CNTN5: variants seen among roughly 807,000 people sequenced by gnomAD.
CNTN5 encodes the protein contactin-5.
Under a neutral mutation model 129.1 loss-of-function variants are expected in CNTN5, and 77 were observed. The ratio of observed to expected loss-of-function variants is 0.60; its 90% CI spans 0.50 to 0.72. The LOEUF (loss-of-function observed/expected upper bound fraction) is 0.72. Among genes scored for constraint, CNTN5 ranks in the 30% least tolerant of loss-of-function variants. The pLI, the probability that CNTN5 is intolerant of heterozygous loss-of-function variation, is 0.00. For missense variants in CNTN5, 1,478 were observed against 1,328.8 expected, an observed-to-expected ratio of 1.11 and a Z score of -1.75; for synonymous variants, 509 against 465.6, an observed-to-expected ratio of 1.09 and a Z score of -1.20.
chr11:99,023,302 A>G (rs971675028), intron 1 of CNTN5, among the ~76,000 whole-genome samples: 1 of 152,214 alleles, frequency 6.6e-6, no homozygotes, highest in African/African-American at 2.4e-5. Context: ...GCTATCTGTT[A>G]GAAATGTACC....
chr11:99,819,141 A>G (rs547165470), intron 3 of CNTN5, among the ~76,000 whole-genome samples: 1 of 151,696 alleles, frequency 6.6e-6, no homozygotes, highest in East Asian at 2.0e-4. Flanking sequence ...TTGTAATATT[A>G]AGGTAAACTT....
chr11:99,583,334 A>AG (rs1309088463), intron 3 of CNTN5, among the ~76,000 whole-genome samples: 1 of 152,170 alleles, frequency 6.6e-6, no homozygotes, highest in Non-Finnish European at 1.5e-5. Flanking sequence ...TGGGAGTACC[A>AG]CTACTCTCTT....
intron 3 of CNTN5, among the ~76,000 whole-genome samples, chr11:99,727,517 T>C (rs1166318359): frequency 6.6e-6 from 1 of 151,900 alleles, no homozygotes; most frequent in Non-Finnish European, 1.5e-5. Context: ...CATCCTTAAT[T>C]GTTTCATAGT....
intron 1 of CNTN5, among the ~76,000 whole-genome samples, chr11:99,270,067 G>A (rs1293672129): frequency 2.0e-5 from 3 of 151,624 alleles, no homozygotes; most frequent in East Asian, 3.9e-4. Context: ...CTTACCAGTC[G>A]TGTACGTTTG....
At chr11:99,667,933 A>G (rs531740770) in intron 3 of CNTN5, among the ~76,000 whole-genome samples, 18 of 139,292 alleles carry the variant, frequency 1.3e-4, no homozygotes, top group African/African-American at 4.7e-4. Flanking sequence ...CTGCACATGT[A>G]TCCTGAAACT....
chr11:99,857,499 C>T (rs553161500), intron 6 of CNTN5, among the ~76,000 whole-genome samples: 78 of 151,898 alleles, frequency 5.1e-4, no homozygotes, highest in Non-Finnish European at 8.2e-4. Context: ...AATACTTCAT[C>T]GATTATAAGG....
At chr11:100,329,732 A>T (rs934954617) in intron 21 of CNTN5, among the ~76,000 whole-genome samples, 1 of 152,138 alleles carries the variant, frequency 6.6e-6, no homozygotes, top group Non-Finnish European at 1.5e-5. Flanking sequence ...AAAAACAATA[A>T]CTATGGTTCA....
chr11:100,118,251 T>A (rs1347918283), intron 13 of CNTN5, among the ~76,000 whole-genome samples: 3 of 151,902 alleles, frequency 2.0e-5, no homozygotes, highest in Non-Finnish European at 4.4e-5. Flanking sequence ...GTTGGGGTAG[T>A]GTAGGAGATT....
At chr11:100,167,193 CA>C (rs778660029) in intron 13 of CNTN5, among the ~76,000 whole-genome samples, 54 of 149,712 alleles carry the variant, frequency 3.6e-4, no homozygotes, top group Non-Finnish European at 4.8e-4. Context: ...CAAAAACAAA[CA>C]AAAAAAAATT....
intron 3 of CNTN5, among the ~76,000 whole-genome samples, chr11:99,681,347 T>G (rs1335999560): frequency 2.7e-5 from 4 of 150,838 alleles, no homozygotes; most frequent in African/African-American, 9.7e-5. Flanking sequence ...AATTTTTTTG[T>G]GAAAGGAAGA....
intron 2 of CNTN5, among the ~76,000 whole-genome samples, chr11:99,422,522 A>T (rs397834061): frequency 2.3e-4 from 4 of 17,422 alleles, no homozygotes; most frequent in South Asian, 2.0e-3. Context: ...ATATTTTTAT[A>T]TATATATATA....
At chr11:99,173,538 G>A (rs1857629155) in intron 1 of CNTN5, among the ~76,000 whole-genome samples, 1 of 152,150 alleles carries the variant, frequency 6.6e-6, no homozygotes, top group South Asian at 2.1e-4. Flanking sequence ...AAACGTAATG[G>A]TTATAAGGCA....
intron 13 of CNTN5, among the ~76,000 whole-genome samples, chr11:100,138,712 T>C (rs999835311): frequency 6.6e-6 from 1 of 152,072 alleles, no homozygotes; most frequent in African/African-American, 2.4e-5. Flanking sequence ...CTTTGAGTGA[T>C]ATAGAAGCCT....
In CNTN5 at chr11:99,495,141, G is replaced by A. The variant is rs116114722; in HGVS notation, c.-70-61004G>A. On this transcript the variant is annotated intron_variant, in intron 2 of 24. Transcript: ENST00000524871. ...TCCCAGTACTTTGGGAGGCTAAGGC[G>A]GCAGATCACGAAGTCAGGAGTTCAA... 8.0e-3 allele frequency among the ~76,000 whole-genome samples: 1,224 copies of A among 152,136 alleles called. 17 individuals carry two copies. The highest frequency in any genetic ancestry group is 0.027 in the African/African-American group (1,123 of 41,508).
intron 2 of CNTN5, among the ~76,000 whole-genome samples, chr11:99,345,839 G>T (rs7127182): frequency 0.08 from 12,104 of 152,028 alleles, 1,388 homozygotes; most frequent in African/African-American, 0.25. Flanking sequence ...CTTTGAAATA[G>T]AATTATTAAA....
At chr11:100,060,577 CAT>C (rs1591157403) in intron 9 of CNTN5, among the ~76,000 whole-genome samples, 1 of 151,390 alleles carries the variant, frequency 6.6e-6, no homozygotes, top group Non-Finnish European at 1.5e-5. Flanking sequence ...GCAATAAGCA[CAT>C]ATATGTTAGT....
chr11:99,737,133 A>G (rs1006424440), intron 3 of CNTN5, among the ~76,000 whole-genome samples: 6 of 149,920 alleles, frequency 4.0e-5, no homozygotes, highest in Admixed American at 3.3e-4. Flanking sequence ...ACACACATGC[A>G]CACACACACA....
chr11:100,012,603 A>C (rs536972339), intron 9 of CNTN5, among the ~76,000 whole-genome samples: 22 of 152,264 alleles, frequency 1.4e-4, no homozygotes, highest in Non-Finnish European at 2.8e-4. Flanking sequence ...TCAGGAGAGA[A>C]ACTGTATACA....
chr11:99,966,331 G>A (rs1951092735), intron 8 of CNTN5, among the ~76,000 whole-genome samples: 2 of 152,136 alleles, frequency 1.3e-5, no homozygotes, highest in African/African-American at 2.4e-5. Context: ...TTGCTTGTAG[G>A]TAGTTTATTT....
Sources: allele counts gnomAD v4.1 joint callset (sites outside exome capture counted in the v4.1 genomes callset), GRCh38; gene constraint gnomAD v4.1.1; transcripts MANE v1.5; gene names NCBI Gene and HGNC (gene_info 2026-07-23, HGNC 2026-07-21).